Variants in ESR1 observed in about 807,000 individuals in gnomAD.
The protein encoded by ESR1 is estrogen receptor 1.
In ESR1, 12 loss-of-function variants were observed where a neutral mutation model predicts 52.7. That is an observed-to-expected ratio of 0.23 (90% CI 0.15 to 0.37). The LOEUF is 0.37. Among genes scored for constraint, ESR1 ranks in the 10% least tolerant of loss-of-function variants. The probability of loss-of-function intolerance (pLI) is 1.00; values close to 1 mark genes in which losing one functional copy is unlikely to be tolerated. For synonymous variants in ESR1, 305 were observed against 316.8 expected (o/e 0.96, Z 0.39); for missense variants, 584 against 779.7 (o/e 0.75, Z 2.99).
At chr6:151,893,652 A>T (rs1016119980) in intron 3 of ESR1, among the ~76,000 whole-genome samples, 1 of 152,118 alleles carries the variant, frequency 6.6e-6, no homozygotes, top group African/African-American at 2.4e-5. Context: ...TACATTATGT[A>T]TGTTTTTTTC....
chr6:151,982,820 T>C (rs914448831), intron 4 of ESR1, among the ~76,000 whole-genome samples: 1 of 152,170 alleles, frequency 6.6e-6, no homozygotes, highest in Non-Finnish European at 1.5e-5. Context: ...CTATTTTGCA[T>C]TCTTTGTTTT....
intron 4 of ESR1, among the ~76,000 whole-genome samples, chr6:151,965,231 G>GT (rs1554295813): frequency 6.6e-6 from 1 of 151,374 alleles, no homozygotes; most frequent in East Asian, 1.9e-4. Context: ...CCAAACCATA[G>GT]TATATATATA....
In ESR1 at chr6:152,092,078, C is replaced by T. The variant is rs541581696; in HGVS notation, c.1370-2307C>T. ...GAGCTGAGGCCCTCCTAGCCCTAACCTCCCAGCTCACACCCTCTGCTATCT... is the reference window on the plus strand; with the variant it reads ...GAGCTGAGGCCCTCCTAGCCCTAACTTCCCAGCTCACACCCTCTGCTATCT... On this transcript the variant is annotated intron_variant, in intron 6 of 7. Transcript: ENST00000206249. Among the ~76,000 whole-genome samples, 33 of 152,266 alleles carry T rather than the reference C, an allele frequency of 2.2e-4. No homozygotes were observed. In the East Asian group the frequency reaches 4.2e-3, roughly 20 times the overall value.
chr6:151,938,333 A>T (rs1344788095), intron 3 of ESR1, among the ~76,000 whole-genome samples: 1 of 152,198 alleles, frequency 6.6e-6, no homozygotes, highest in Non-Finnish European at 1.5e-5. Flanking sequence ...GCAGTATGTT[A>T]ACTTTTTCTG....
downstream of ESR1, among the ~76,000 whole-genome samples, chr6:152,108,228 C>T (rs1386202087): frequency 1.1e-5 from 1 of 94,122 alleles, no homozygotes; most frequent in African/African-American, 4.8e-5. Flanking sequence ...GCCCTGCACA[C>T]TCATCCACCA....
At chr6:152,110,476 T>G (rs2051118454) in intron 6 of ESR1, among the ~76,000 whole-genome samples, 1 of 151,348 alleles carries the variant, frequency 6.6e-6, no homozygotes, top group Non-Finnish European at 1.5e-5. Flanking sequence ...AGCTAAATGA[T>G]GAGAACACAG....
intron 6 of ESR1, among the ~76,000 whole-genome samples, chr6:152,081,841 A>G (rs1430436990): frequency 1.3e-5 from 2 of 152,200 alleles, no homozygotes; most frequent in African/African-American, 2.4e-5. Context: ...AGAATACTAT[A>G]AACTCCTCTA....
intron 5 of ESR1, among the ~76,000 whole-genome samples, chr6:152,042,875 T>A (rs2045923379): frequency 6.6e-6 from 1 of 152,198 alleles, no homozygotes; most frequent in Non-Finnish European, 1.5e-5. Context: ...GCACCCACCT[T>A]GCCTTGATGC....
At chr6:151,893,684 C>T (rs1795034437) in intron 3 of ESR1, among the ~76,000 whole-genome samples, 1 of 151,926 alleles carries the variant, frequency 6.6e-6, no homozygotes, top group African/African-American at 2.4e-5. Flanking sequence ...CTTCCAAATC[C>T]TCCAAGTGTT....
At chr6:151,736,971 T>G (rs539923667) in intron 2 of ESR1, among the ~76,000 whole-genome samples, 1 of 152,308 alleles carries the variant, frequency 6.6e-6, no homozygotes, top group East Asian at 1.9e-4. Flanking sequence ...TTCAAAGGTA[T>G]CTGTTAAAAG....
chr6:152,104,242 T>C (rs190126200), downstream of ESR1, among the ~76,000 whole-genome samples: 3 of 152,272 alleles, frequency 2.0e-5, no homozygotes, highest in Admixed American at 2.0e-4. Context: ...TCACATGGAT[T>C]TCAGGAAACT....
chr6:152,003,340 ATGTGTGTGTGTGTG>A (rs60787638), intron 4 of ESR1, among the ~76,000 whole-genome samples: 7 of 145,644 alleles, frequency 4.8e-5, no homozygotes, highest in South Asian at 4.4e-4. Context: ...AAGGGTAATT[ATGTGTGTGTGTGTG>A]TGTGTGTGTG....
chr6:151,848,025 A>T (rs537326567), intron 2 of ESR1, among the ~76,000 whole-genome samples: 5 of 97,182 alleles, frequency 5.1e-5, no homozygotes, highest in African/African-American at 1.9e-4. Flanking sequence ...AGACACATGC[A>T]CATGTATGTT....
chr6:152,025,848 T>C (rs2044103133), intron 5 of ESR1, among the ~76,000 whole-genome samples: 1 of 152,042 alleles, frequency 6.6e-6, no homozygotes, highest in Admixed American at 6.5e-5. Flanking sequence ...TATAGGTAAC[T>C]GATGCTCAGA....
At chr6:152,070,676 A>G (rs2048287251) in intron 6 of ESR1, among the ~76,000 whole-genome samples, 1 of 138,492 alleles carries the variant, frequency 7.2e-6, no homozygotes, top group Non-Finnish European at 1.5e-5. Flanking sequence ...GAAGGATGGA[A>G]AAGCAAACTC....
At chr6:152,123,059 T>C (rs753591489) in intron 6 of ESR1, among the ~76,000 whole-genome samples, 1 of 152,238 alleles carries the variant, frequency 6.6e-6, no homozygotes, top group Non-Finnish European at 1.5e-5. Flanking sequence ...ATTTTTGTTT[T>C]AAGAATATCA....
At chr6:151,815,733 C>T (rs937468276) in intron 1 of ESR1, among the ~76,000 whole-genome samples, 2 of 152,200 alleles carry the variant, frequency 1.3e-5, no homozygotes, top group African/African-American at 4.8e-5. Context: ...AGTCAACACT[C>T]ACGGTGCTTT....
At chr6:151,856,079 T>A (rs186841030) in intron 2 of ESR1, among the ~76,000 whole-genome samples, 3 of 152,294 alleles carry the variant, frequency 2.0e-5, no homozygotes, top group Admixed American at 2.0e-4. Context: ...TAGCAGTAAA[T>A]CTATTTTGCA....
intron 2 of ESR1, among the ~76,000 whole-genome samples, chr6:151,787,449 A>G (rs755338594): frequency 6.6e-6 from 1 of 151,914 alleles, no homozygotes; most frequent in African/African-American, 2.4e-5. Context: ...TGGCCCTTTT[A>G]TTGATATTGA....
Sources: gnomAD v4.1 joint callset for allele counts (sites outside exome capture counted in the v4.1 genomes callset) on GRCh38, gnomAD v4.1.1 for gene constraint, MANE v1.5 for transcripts, NCBI Gene and HGNC (gene_info 2026-07-23, HGNC 2026-07-21) for gene names.